The following SHC3 variants were observed in gnomAD, a reference collection of about 807,000 sequenced individuals.
The protein encoded by SHC3 is SHC-transforming protein 3.
Under a neutral mutation model 60.4 loss-of-function variants are expected in SHC3, and 15 were observed. The ratio of observed to expected loss-of-function variants is 0.25; its 90% confidence interval spans 0.17 to 0.38. The LOEUF (loss-of-function observed/expected upper bound fraction) is 0.38, where lower values mean the gene tolerates loss of function less well. Among genes scored for constraint, SHC3 ranks in the 10% least tolerant of loss-of-function variants. The pLI is 1.00. For missense variants in SHC3, 677 were observed against 786.1 expected (o/e 0.86, Z 1.66); for synonymous variants, 294 against 325.9 (o/e 0.90, Z 1.05).
intron 1 of SHC3, among the ~76,000 whole-genome samples, chr9:89,146,658 T>C (rs991107680): frequency 6.6e-6 from 1 of 152,140 alleles, no homozygotes; most frequent in Non-Finnish European, 1.5e-5. Context: ...CTCATCTCCT[T>C]TGGGCTGGAG....
chr9:89,104,620 G>A (rs1825829858), intron 2 of SHC3, among the ~76,000 whole-genome samples: 1 of 152,182 alleles, frequency 6.6e-6, no homozygotes, highest in South Asian at 2.1e-4. Context: ...TAGGTGAGAA[G>A]TGCTTTCCCA....
At chr9:89,142,125 C>T (rs1826402215) in intron 1 of SHC3, among the ~76,000 whole-genome samples, 1 of 152,130 alleles carries the variant, frequency 6.6e-6, no homozygotes, top group Non-Finnish European at 1.5e-5. Context: ...AATTAACATC[C>T]CATGGTGCCA....
intron 1 of SHC3, among the ~76,000 whole-genome samples, chr9:89,166,973 G>A (rs1225856010): frequency 6.6e-6 from 1 of 151,968 alleles, no homozygotes; most frequent in African/African-American, 2.4e-5. Flanking sequence ...CTGAGCTACT[G>A]CACTCCTCTT....
Position 89,021,054 on chromosome 9 carries a change from C to A in SHC3, c.1657-7479G>T, listed in dbSNP as rs547426115. Among the ~76,000 whole-genome samples the A allele has an allele frequency of 3.3e-4, 51 of 152,310 alleles. 1 individual carries two copies. The highest frequency in any genetic ancestry group is 6.8e-4 in the Non-Finnish European group (46 of 68,022). ...CCTCACAGGGACATTTCGCACTGAG[C>A]TTCAGCGCCCACACAGGAGATGCCC... On this transcript the variant is annotated intron_variant, in intron 11 of 11. Coordinates refer to ENST00000375835, the MANE Select transcript of SHC3 (RefSeq NM_016848.6).
intron 1 of SHC3, among the ~76,000 whole-genome samples, chr9:89,144,729 T>C (rs1336398799): frequency 1.3e-5 from 2 of 152,226 alleles, no homozygotes; most frequent in Non-Finnish European, 2.9e-5. Context: ...GTATGCTTTC[T>C]GTAGTTTTTC....
chr9:89,158,981 C>T (rs1181410726), intron 1 of SHC3, among the ~76,000 whole-genome samples: 1 of 152,126 alleles, frequency 6.6e-6, no homozygotes, highest in Non-Finnish European at 1.5e-5. Flanking sequence ...GTTGGAAACT[C>T]ATAGTAGTCA....
In SHC3 at chr9:89,035,861, G is replaced by GA. The variant is rs1564089042; in HGVS notation, c.1656+2131_1656+2132insT. Among the ~76,000 whole-genome samples the GA allele has an allele frequency of 2.6e-3, 276 of 106,732 alleles. 2 individuals carry two copies. Among genetic ancestry groups the GA allele is most frequent in the East Asian group, 0.013 (36 of 2,764 alleles). The allele number at this position is 106,732 out of a possible 152,430, so 70.0% of individuals were successfully genotyped here. ...TATATATATATATAGATGTGTGTGTGTGTGTGTGTGTGTGTGTGTGTGTGT... is the reference window on the plus strand; with the variant it reads ...TATATATATATATAGATGTGTGTGTGATGTGTGTGTGTGTGTGTGTGTGTGT... On this transcript the variant is annotated intron_variant, in intron 11 of 11. Transcript: ENST00000375835.
In SHC3 at chr9:89,085,333, T is replaced by A. The variant is rs78826739; in HGVS notation, c.546-7430A>T. ...CCTGGTCTCTTCCCTCAGCCTTCTG[T>A]TCACTTTTCCTTGTAAAATGGCAGC... On this transcript the variant is annotated intron_variant, in intron 2 of 11. Coordinates refer to ENST00000375835, the MANE Select transcript of SHC3 (RefSeq NM_016848.6). Among the ~76,000 whole-genome samples, 1,287 of 152,312 alleles carry A rather than the reference T, an allele frequency of 8.4e-3. 7 individuals are homozygous for A. Among genetic ancestry groups the A allele is most frequent in the Non-Finnish European group, 0.013 (889 of 68,024 alleles).
intron 1 of SHC3, among the ~76,000 whole-genome samples, chr9:89,117,630 G>A (rs940164772): frequency 1.3e-5 from 2 of 152,108 alleles, no homozygotes; most frequent in Non-Finnish European, 2.9e-5. Context: ...TATGACTGTA[G>A]TAATTACAAT....
In SHC3 at chr9:89,042,192, A is replaced by G. The variant is rs1297956528; in HGVS notation, c.1202-8T>C. On this transcript the variant is annotated splice_region_variant and splice_polypyrimidine_tract_variant and intron_variant, in intron 9 of 11. Coordinates refer to ENST00000375835, the MANE Select transcript of SHC3 (RefSeq NM_016848.6). ...TGTAGATGTCCGAGGACCCTGCAACAAGAAAGTGAGCCCCTTTTCTTTTAC... is the reference window on the plus strand; with the variant it reads ...TGTAGATGTCCGAGGACCCTGCAACGAGAAAGTGAGCCCCTTTTCTTTTAC... 6.7e-7 allele frequency: 1 copy of G among 1,492,190 alleles called. No individual in the cohort carries two copies. Among genetic ancestry groups the G allele is most frequent in the Admixed American group, 2.5e-5 (1 of 39,680 alleles). The allele number at this position is 1,492,190 out of a possible 1,614,324, so 92.4% of individuals were successfully genotyped here.
intron 1 of SHC3, among the ~76,000 whole-genome samples, chr9:89,152,162 A>C (rs1048023786): frequency 6.6e-6 from 1 of 152,196 alleles, no homozygotes; most frequent in Non-Finnish European, 1.5e-5. Flanking sequence ...GTAAACTAAC[A>C]CTGCAATCAA....
At chr9:89,061,962 A>G (rs1421208741) in intron 6 of SHC3, among the ~76,000 whole-genome samples, 5 of 152,194 alleles carry the variant, frequency 3.3e-5, no homozygotes, top group Non-Finnish European at 7.3e-5. Flanking sequence ...ATATACCCCC[A>G]CAGATAAGGG....
intron 11 of SHC3, 57 bp from the exon 12 acceptor site, chr9:89,013,632 A>G (rs1049865584): frequency 6.4e-7 from 1 of 1,564,546 alleles, no homozygotes; most frequent in African/African-American, 1.4e-5. Context: ...AAAAGAGAAA[A>G]TGGTTTGCTC....
intron 2 of SHC3, among the ~76,000 whole-genome samples, chr9:89,103,398 T>C (rs1267983252): frequency 1.3e-5 from 2 of 152,168 alleles, no homozygotes; most frequent in Non-Finnish European, 2.9e-5. Context: ...GAGCCGAGCC[T>C]GACCCCAGTA....
chr9:89,168,544 C>A (rs1353260201), intron 1 of SHC3, among the ~76,000 whole-genome samples: 1 of 152,136 alleles, frequency 6.6e-6, no homozygotes, highest in Non-Finnish European at 1.5e-5. Context: ...TTTATTTGAT[C>A]ATTCCTTATC....
chr9:89,137,193 G>T (rs141349046), intron 1 of SHC3, among the ~76,000 whole-genome samples: 1 of 152,190 alleles, frequency 6.6e-6, no homozygotes, highest in East Asian at 1.9e-4. Context: ...AAATTTAGTG[G>T]GGGGACACAA....
intron 1 of SHC3, among the ~76,000 whole-genome samples, chr9:89,157,858 G>C (rs1826648104): frequency 6.6e-6 from 1 of 151,966 alleles, no homozygotes; most frequent in Admixed American, 6.6e-5. Flanking sequence ...TGAGCCTCAA[G>C]TGACCCTCCC....
chr9:89,010,926 A>G lies in SHC3; in HGVS notation c.*2521T>C, dbSNP rs868819. 0.41 allele frequency: 62,963 copies of G among 152,180 alleles called. 14,550 individuals are homozygous for G. Among genetic ancestry groups the G allele is most frequent in the East Asian group, 0.82 (4,209 of 5,150 alleles). The allele number at this position is 152,180 out of a possible 1,614,324, so 9.4% of individuals were successfully genotyped here. On this transcript the variant is annotated 3_prime_UTR_variant, in exon 12 of 12. Coordinates refer to ENST00000375835, the MANE Select transcript of SHC3 (RefSeq NM_016848.6). ...ATGGCCTCCAGGAAGGTGTGGCACC[A>G]GCCCCAGCCTCACTTTCCCCATGTG...
intron 11 of SHC3, among the ~76,000 whole-genome samples, chr9:89,020,540 G>T (rs1017098063): frequency 6.6e-6 from 1 of 152,140 alleles, no homozygotes; most frequent in Non-Finnish European, 1.5e-5. Flanking sequence ...ACAAAACAGG[G>T]ACAGTTTCTG....
Sources: gnomAD v4.1 joint callset for allele counts (sites outside exome capture counted in the v4.1 genomes callset) on GRCh38, gnomAD v4.1.1 for gene constraint, MANE v1.5 for transcripts, NCBI Gene and HGNC (gene_info 2026-07-23, HGNC 2026-07-21) for gene names.